Variants in RELN observed in about 807,000 individuals in gnomAD.
The protein encoded by RELN is reelin.
A neutral mutation model predicts 427.6 loss-of-function variants in RELN; 108 were observed. The ratio of observed to expected loss-of-function variants is 0.25; its 90% confidence interval spans 0.22 to 0.30. RELN has a LOEUF of 0.30. Among genes scored for constraint, RELN ranks in the 10% least tolerant of loss-of-function variants. The pLI is 1.00. For missense variants in RELN, 3,715 were observed against 4,302.8 expected (o/e 0.86, Z 3.82); for synonymous variants, 1,524 against 1,513.4 (o/e 1.01, Z -0.16).
chr7:103,901,220 T>C (rs1050794631), intron 2 of RELN, among the ~76,000 whole-genome samples: 8 of 152,138 alleles, frequency 5.3e-5, no homozygotes, highest in South Asian at 2.1e-4. Context: ...TTCATGTCTA[T>C]GAAGTTGGCT....
intron 3 of RELN, among the ~76,000 whole-genome samples, chr7:103,813,352 AGT>A (rs1491565774): frequency 7.0e-6 from 1 of 143,074 alleles, no homozygotes; most frequent in African/African-American, 2.7e-5. Flanking sequence ...AACACCCAGG[AGT>A]ATCAAAGTGG....
intron 41 of RELN, among the ~76,000 whole-genome samples, chr7:103,546,272 T>C (rs776428886): frequency 2.6e-5 from 4 of 152,222 alleles, no homozygotes; most frequent in Non-Finnish European, 5.9e-5. Context: ...CTGGCTTCAT[T>C]CACTTAGCAT....
intron 1 of RELN, among the ~76,000 whole-genome samples, chr7:103,928,441 A>G (rs1347129227): frequency 6.6e-6 from 1 of 152,232 alleles, no homozygotes; most frequent in Admixed American, 6.5e-5. Context: ...GATAAAGCCC[A>G]GGAATCAGCA....
chr7:103,600,711 A>G (rs1831645600), intron 24 of RELN, among the ~76,000 whole-genome samples: 1 of 152,184 alleles, frequency 6.6e-6, no homozygotes, highest in Admixed American at 6.6e-5. Context: ...GTAAAATATA[A>G]CCCAGGGATA....
intron 2 of RELN, among the ~76,000 whole-genome samples, chr7:103,887,313 C>T (rs3857814): frequency 0.78 from 119,039 of 152,050 alleles, 46,643 homozygotes; most frequent in East Asian, 0.87. Flanking sequence ...TTATGATGGG[C>T]CTCAGGAGGG....
At chr7:103,966,447 G>C (rs976426353) in intron 1 of RELN, among the ~76,000 whole-genome samples, 2 of 152,174 alleles carry the variant, frequency 1.3e-5, no homozygotes, top group East Asian at 1.9e-4. Flanking sequence ...GACATGCCGA[G>C]AACATGTAAA....
At chr7:103,911,911 G>A (rs1383452877) in intron 2 of RELN, among the ~76,000 whole-genome samples, 20 of 148,064 alleles carry the variant, frequency 1.4e-4, no homozygotes, top group Non-Finnish European at 8.9e-5. Context: ...GCTAGATGAC[G>A]AGTTAGTGGG....
intron 31 of RELN, among the ~76,000 whole-genome samples, chr7:103,567,187 C>G (rs1054101399): frequency 6.6e-6 from 1 of 152,186 alleles, no homozygotes; most frequent in Non-Finnish European, 1.5e-5. Context: ...CAGTAAGCAC[C>G]GCCTGGTATG....
At chr7:103,531,113 AAAT>A (rs1409291885) in intron 46 of RELN, among the ~76,000 whole-genome samples, 2 of 152,210 alleles carry the variant, frequency 1.3e-5, no homozygotes, top group African/African-American at 2.4e-5. Context: ...ATAAAAGTAG[AAAT>A]AATTTTCATT....
At position 103,853,958 on chromosome 7, in the gene RELN, T is replaced by C. The variant is rs574553263; in HGVS notation, c.338-20286A>G. Among the ~76,000 whole-genome samples, 12 of 152,188 alleles carry C rather than the reference T, an allele frequency of 7.9e-5. 1 individual carries two copies. The South Asian group carries it at 2.1e-3, about 26-fold the overall frequency. The stretch of plus-strand genomic sequence containing the variant: ...AATTTAATGTATATTTTCAAAAAGC[T>C]AGAAGAAGGGATTTTGAATGTTCAC... On this transcript the variant is annotated intron_variant, in intron 2 of 64. Coordinates refer to ENST00000428762, the MANE Select transcript of RELN (RefSeq NM_005045.4).
rs114984840 is a variant in RELN, at chr7:103,571,934, C to T, written c.4588+250G>A. 3.5e-3 allele frequency among the ~76,000 whole-genome samples: 525 copies of T among 152,080 alleles called. 3 individuals carry two copies. Among genetic ancestry groups the T allele is most frequent in the African/African-American group, 0.012 (506 of 41,456 alleles). On this transcript the variant is annotated intron_variant, in intron 31 of 64. Coordinates refer to ENST00000428762, the MANE Select transcript of RELN (RefSeq NM_005045.4). ...CGGATAGTATAAAGGAATAGGGTTC[C>T]CTAAAACAAATGGCACTTTGATTCT...
At chr7:103,911,331 AAT>A (rs1232949986) in intron 2 of RELN, among the ~76,000 whole-genome samples, 5 of 150,558 alleles carry the variant, frequency 3.3e-5, no homozygotes, top group Admixed American at 6.6e-5. Flanking sequence ...TGAGAATGGC[AAT>A]CATTAAAAAG....
intron 20 of RELN, among the ~76,000 whole-genome samples, chr7:103,614,557 A>C (rs1832037329): frequency 6.6e-6 from 1 of 152,120 alleles, no homozygotes; most frequent in African/African-American, 2.4e-5. Context: ...TATTAGATAA[A>C]GACCTCTCTG....
At chr7:103,529,451 T>C (rs1444097514) in intron 46 of RELN, among the ~76,000 whole-genome samples, 2 of 151,780 alleles carry the variant, frequency 1.3e-5, no homozygotes, top group East Asian at 1.9e-4. Context: ...CCCTCCTCCC[T>C]TTCTCGGTGG....
In RELN at chr7:103,496,641, C is replaced by G; in HGVS notation, c.9078G>C (p.Val3026=). Residue 3026 remains valine, a synonymous_variant, in exon 56 of 65, where the codon GTG becomes GTC. Transcript: ENST00000428762. ...CAGAGACCACAATTCCATTGCTGAT[C>G]ACAAAAGGCTGCCACCAGCGAAGTC... ...TTRLRWWQPF[V]ISNGIVVSGV... 6.2e-7 allele frequency: 1 copy of G among 1,614,182 alleles called. No homozygotes were observed. The highest frequency in any genetic ancestry group is 8.5e-7 in the Non-Finnish European group (1 of 1,180,026).
chr7:103,722,801 A>G (rs1382702880), intron 8 of RELN, among the ~76,000 whole-genome samples: 1 of 152,180 alleles, frequency 6.6e-6, no homozygotes, highest in Non-Finnish European at 1.5e-5. Flanking sequence ...GAAATGGAAC[A>G]TATTTCAATC....
rs1830202433 is a variant in RELN, at chr7:103,542,803, C to G, written c.6599G>C (p.Gly2200Ala). 1.2e-6 allele frequency: 2 copies of G among 1,613,940 alleles called. No homozygotes were observed. The highest frequency in any genetic ancestry group is 1.7e-6 in the Non-Finnish European group (2 of 1,179,990). Residue 2200 changes from glycine to alanine, a missense_variant, in exon 43 of 65, where the codon GGA (glycine) becomes GCA (alanine). Physicochemically the swap from Gly to Ala is moderately conservative, Grantham distance 60. Transcript: ENST00000428762. ...PSRKCGILSS[G>A]NNLFFNEDGL... is the part of the protein sequence containing the mutation. ...ATCTTCATTGAAAAAGAGGTTGTTT[C>G]CACTAGAAAGGATTCCACACTTTCG...
rs896227043 is a variant in RELN, at chr7:103,686,362, C to T, written c.1144-4101G>A. On this transcript the variant is annotated intron_variant, in intron 10 of 64. Transcript: ENST00000428762. ...ATACAAAGTGCGCTTTAAAAGGAAG[C>T]TAAAACATCATTTGTAGGAAAATTG... is the stretch of plus-strand genomic sequence containing the variant. Among the ~76,000 whole-genome samples the T allele has an allele frequency of 2.6e-5, 4 of 152,130 alleles. No homozygotes were observed. In the East Asian group the frequency reaches 7.7e-4, roughly 29 times the overall value.
chr7:103,987,548 C>G (rs967985131), intron 1 of RELN, among the ~76,000 whole-genome samples: 2 of 152,170 alleles, frequency 1.3e-5, no homozygotes, highest in East Asian at 3.8e-4. Context: ...CTGACAGTCA[C>G]GCCTTTGAGA....
Sources: allele counts gnomAD v4.1 joint callset (sites outside exome capture counted in the v4.1 genomes callset), GRCh38; gene constraint gnomAD v4.1.1; transcripts MANE v1.5; gene names NCBI Gene and HGNC (gene_info 2026-07-23, HGNC 2026-07-21).